The following CHAF1B variants were observed in gnomAD, a reference collection of about 807,000 sequenced individuals.
CHAF1B encodes chromatin assembly factor 1 subunit B, also known as CAF-1 subunit B.
CHAF1B carries 10 observed loss-of-function variants against 60.7 expected under a neutral mutation model. That is an observed-to-expected ratio of 0.16 (90% CI 0.10 to 0.28). CHAF1B has a LOEUF of 0.28. Among genes scored for constraint, CHAF1B ranks in the 10% least tolerant of loss-of-function variants. CHAF1B has a pLI of 1.00. For synonymous variants in CHAF1B, 261 were observed against 266.1 expected (o/e 0.98, Z 0.19); for missense variants, 558 against 708.4 (o/e 0.79, Z 2.41).
At chr21:36,398,617 C>G (rs1290383650) in intron 6 of CHAF1B, among the ~76,000 whole-genome samples, 1 of 152,094 alleles carries the variant, frequency 6.6e-6, no homozygotes, top group African/African-American at 2.4e-5. Context: ...GCGTTGGCCT[C>G]CCAAAGTGCT....
intron 10 of CHAF1B, among the ~76,000 whole-genome samples, chr21:36,409,739 C>G (rs1413239418): frequency 1.3e-5 from 2 of 152,064 alleles, no homozygotes; most frequent in Non-Finnish European, 2.9e-5. Flanking sequence ...CTCAAGTGAT[C>G]CACCTGCCTC....
At chr21:36,412,733 G>A in intron 11 of CHAF1B, 151 bp from the exon 12 acceptor site, 4 of 696,920 alleles carry the variant, frequency 5.7e-6, no homozygotes, top group Admixed American at 2.9e-5. Context: ...AACTGCATGA[G>A]TGAGTCGCTA....
Position 36,393,733 on chromosome 21 carries a change from C to T in CHAF1B, c.378-814C>T, listed in dbSNP as rs543644656. On this transcript the variant is annotated intron_variant, in intron 4 of 13. Transcript: ENST00000314103. ...CCTCCCAAAGTGCTGGGATTACAGGCGTGAGCCACTGCGACCGGTCAGATA... is the reference window on the plus strand; with the variant it reads ...CCTCCCAAAGTGCTGGGATTACAGGTGTGAGCCACTGCGACCGGTCAGATA... Among the ~76,000 whole-genome samples, 4 of 152,090 alleles carry T rather than the reference C, an allele frequency of 2.6e-5. No homozygotes were observed. In the East Asian group the frequency reaches 5.8e-4, roughly 22 times the overall value.
intron 6 of CHAF1B, among the ~76,000 whole-genome samples, chr21:36,398,598 G>A (rs945542391): frequency 1.3e-5 from 2 of 152,160 alleles, no homozygotes; most frequent in African/African-American, 4.8e-5. Flanking sequence ...GACCTCAGGT[G>A]ACCTGCCTGC....
chr21:36,409,207 GC>G (rs2086259092), intron 9 of CHAF1B, among the ~76,000 whole-genome samples, 166 bp from the exon 10 acceptor site: 2 of 146,368 alleles, frequency 1.4e-5, no homozygotes, highest in African/African-American at 5.1e-5. Flanking sequence ...CGTCATGTTG[GC>G]CAGGCTGGTC....
intron 10 of CHAF1B, among the ~76,000 whole-genome samples, chr21:36,410,513 A>T (rs941614122): frequency 3.3e-5 from 5 of 151,448 alleles, no homozygotes; most frequent in Non-Finnish European, 7.4e-5. Flanking sequence ...AAGTCTCTAT[A>T]GCTGTGTTTT....
At chr21:36,415,654 T>C (rs1474556658) in intron 13 of CHAF1B, 1 of 501,692 alleles carries the variant, frequency 2.0e-6, no homozygotes, top group South Asian at 2.1e-5. Context: ...CTGCTGACCT[T>C]GTGGGCCAGG....
intron 10 of CHAF1B, among the ~76,000 whole-genome samples, chr21:36,410,489 G>A (rs955693048): frequency 6.6e-6 from 1 of 151,816 alleles, no homozygotes; most frequent in African/African-American, 2.4e-5. Context: ...TCTTCTTCCA[G>A]TGTTTGATTT....
intron 2 of CHAF1B, 119 bp from the exon 3 acceptor site, chr21:36,387,479 C>A: frequency 7.5e-7 from 1 of 1,340,946 alleles, no homozygotes; most frequent in Admixed American, 2.0e-5. Context: ...CCTTGGCCTC[C>A]TAAACTGCTG....
At chr21:36,385,909 C>G (rs951988189) in intron 1 of CHAF1B, among the ~76,000 whole-genome samples, 151 bp from the exon 2 acceptor site, 2 of 152,192 alleles carry the variant, frequency 1.3e-5, no homozygotes, top group African/African-American at 4.8e-5. Context: ...CCCAGCGAAG[C>G]ATTTTAGGTG....
chr21:36,396,825 C>G (rs1906484), intron 5 of CHAF1B, among the ~76,000 whole-genome samples: 16,550 of 152,128 alleles, frequency 0.11, 1,067 homozygotes, highest in African/African-American at 0.16. Context: ...CGGTCACCTC[C>G]TAACTAGTGA....
intron 6 of CHAF1B, among the ~76,000 whole-genome samples, chr21:36,399,200 A>G (rs1216184105): frequency 1.3e-5 from 2 of 151,684 alleles, no homozygotes; most frequent in Admixed American, 6.6e-5. Context: ...ACGCCCGGCT[A>G]ATTTTTTGTA....
intron 6 of CHAF1B, chr21:36,398,261 C>G (rs951344850): frequency 5.3e-5 from 8 of 151,962 alleles, no homozygotes; most frequent in Admixed American, 2.6e-4. Context: ...GCCATGTTGC[C>G]CAGGCTGGTC....
At chr21:36,406,155 A>G (rs947518673) in intron 8 of CHAF1B, among the ~76,000 whole-genome samples, 2 of 152,192 alleles carry the variant, frequency 1.3e-5, no homozygotes, top group African/African-American at 4.8e-5. Context: ...GTTCCAGTGG[A>G]AAAAAATCTA....
At chr21:36,392,362 T>C (rs1324651238) in intron 4 of CHAF1B, among the ~76,000 whole-genome samples, 1 of 152,234 alleles carries the variant, frequency 6.6e-6, no homozygotes, top group East Asian at 1.9e-4. Flanking sequence ...TTTCTCTATC[T>C]TTTCCCCACA....
chr21:36,410,584 T>C (rs1380582192), intron 10 of CHAF1B, among the ~76,000 whole-genome samples: 5 of 152,124 alleles, frequency 3.3e-5, no homozygotes, highest in Non-Finnish European at 7.4e-5. Context: ...GTGTTTTTCT[T>C]TGTTGTGGTT....
At chr21:36,399,079 C>G (rs982865302) in intron 6 of CHAF1B, among the ~76,000 whole-genome samples, 1 of 150,978 alleles carries the variant, frequency 6.6e-6, no homozygotes, top group African/African-American at 2.4e-5. Flanking sequence ...CTCTGTTGCC[C>G]AGGCTGGAGT....
intron 10 of CHAF1B, among the ~76,000 whole-genome samples, chr21:36,410,295 T>G (rs916346251): frequency 1.3e-5 from 2 of 152,226 alleles, no homozygotes; most frequent in Non-Finnish European, 2.9e-5. Flanking sequence ...TGGGGTTCAT[T>G]GAACTTCGTA....
At position 36,416,563 on chromosome 21, in the gene CHAF1B, G is replaced by A. The variant is rs1004575162; in HGVS notation, c.*197G>A. On this transcript the variant is annotated 3_prime_UTR_variant, in exon 14 of 14. Transcript: ENST00000314103. Reference sequence around the variant, plus strand: ...TGTATTCAGTATCCATTTTTAACTTGGGACATGAACGTTTTAACGTAGTAA... The same window carrying A: ...TGTATTCAGTATCCATTTTTAACTTAGGACATGAACGTTTTAACGTAGTAA... The A allele has an allele frequency of 4.3e-6, 2 of 465,730 alleles. No individual in the cohort carries two copies. Among genetic ancestry groups the A allele is most frequent in the African/African-American group, 3.8e-5 (2 of 52,100 alleles). The allele number at this position is 465,730 out of a possible 1,614,324, so 28.8% of individuals were successfully genotyped here.
Sources: gnomAD v4.1 joint callset for allele counts (sites outside exome capture counted in the v4.1 genomes callset) on GRCh38, gnomAD v4.1.1 for gene constraint, MANE v1.5 for transcripts, NCBI Gene and HGNC (gene_info 2026-07-23, HGNC 2026-07-21) for gene names.